The following SYTL2 variants were observed in gnomAD, a reference collection of about 807,000 sequenced individuals.
SYTL2 encodes the protein synaptotagmin-like protein 2.
SYTL2 carries 165 observed loss-of-function variants against 198.7 expected under a neutral mutation model. The ratio of observed to expected loss-of-function variants is 0.83; its 90% CI spans 0.73 to 0.94. The LOEUF is 0.94. Ranked by LOEUF, SYTL2 falls within the 40% of genes least tolerant of loss-of-function variation. The pLI is 0.00. For missense variants in SYTL2, 2,835 were observed against 2,582.8 expected (o/e 1.10, Z -2.12); for synonymous variants, 966 against 917.7 (o/e 1.05, Z -0.95).
At chr11:85,845,587 A>G in the SYTL2 span, among the ~76,000 whole-genome samples, 1 of 152,048 alleles carries the variant, frequency 6.6e-6, no homozygotes, top group Non-Finnish European at 1.5e-5. Flanking sequence ...ACACAGAGAG[A>G]CCTGGTCTCT....
At chr11:85,741,113 A>T (rs1311126206) in intron 4 of SYTL2, among the ~76,000 whole-genome samples, 1 of 151,968 alleles carries the variant, frequency 6.6e-6, no homozygotes, top group East Asian at 1.9e-4. Flanking sequence ...TATAGAACCA[A>T]ATTCTACAAG....
chr11:85,810,601 G>C (rs2093019359), intron 1 of SYTL2, among the ~76,000 whole-genome samples: 1 of 151,954 alleles, frequency 6.6e-6, no homozygotes, highest in Non-Finnish European at 1.5e-5. Context: ...AGCAATCTGG[G>C]GGCAGTTACT....
At position 85,727,022 on chromosome 11, in the gene SYTL2, A is replaced by C; in HGVS notation, c.2336T>G (p.Val779Gly). 1 of 1,536,180 alleles carries C rather than the reference A, an allele frequency of 6.5e-7. No homozygotes were observed. The highest frequency in any genetic ancestry group is 8.7e-7 in the Non-Finnish European group (1 of 1,146,906). The change falls in exon 8 of 20, where the codon GTT becomes GGT. Residue 779 changes from valine to glycine, a missense_variant. Physicochemically the swap from Val to Gly is moderately radical, Grantham distance 109. Coordinates refer to ENST00000359152, the MANE Select transcript of SYTL2 (RefSeq NM_206927.4). ...CTCTCTCTGCACTTGGTTCTTGGGA[A>C]CCTCACCAGCTTCTTGCTGGAATTG... is the stretch of plus-strand genomic sequence containing the variant. ...EVQFQQEAGE[V>G]PKNQVQREKY...
chr11:85,724,107 TTTC>T lies in SYTL2; in HGVS notation c.5248_5250del (p.Glu1750del). The stretch of plus-strand genomic sequence containing the variant: ...AAATCAGACTCAGAGAAACCTTCTT[TTTC>T]TTCCTCTTTCTCTTGTTTCATATAT... On this transcript the variant is annotated inframe_deletion, in exon 8 of 20. Coordinates refer to ENST00000359152, the MANE Select transcript of SYTL2 (RefSeq NM_206927.4). 2.5e-6 allele frequency: 4 copies of T among 1,584,302 alleles called. No individual in the cohort carries two copies. The highest frequency in any genetic ancestry group is 3.4e-6 in the Non-Finnish European group (4 of 1,171,778).
chr11:85,846,317 C>T, the SYTL2 span, among the ~76,000 whole-genome samples: 1 of 152,206 alleles, frequency 6.6e-6, no homozygotes, highest in African/African-American at 2.4e-5. Context: ...TACTCTCTTG[C>T]TTACAGTAGT....
chr11:85,791,326 G>C (rs1427170089), intron 1 of SYTL2, among the ~76,000 whole-genome samples: 1 of 151,994 alleles, frequency 6.6e-6, no homozygotes, highest in Non-Finnish European at 1.5e-5. Context: ...ACTCAGCTTT[G>C]CTGGGTACAG....
intron 1 of SYTL2, among the ~76,000 whole-genome samples, chr11:85,789,774 C>T (rs566987016): frequency 7.2e-5 from 11 of 151,948 alleles, no homozygotes; most frequent in African/African-American, 1.7e-4. Context: ...CAACAGATTC[C>T]GAACAAATGT....
chr11:85,841,992 T>C, the SYTL2 span, among the ~76,000 whole-genome samples: 2 of 152,224 alleles, frequency 1.3e-5, no homozygotes, highest in African/African-American at 4.8e-5. Context: ...TATTCATTTA[T>C]CCAAACATTC....
At chr11:85,830,917 G>A in the SYTL2 span, among the ~76,000 whole-genome samples, 1 of 152,160 alleles carries the variant, frequency 6.6e-6, no homozygotes, top group Non-Finnish European at 1.5e-5. Context: ...CTTGCATTAG[G>A]GTCAGCTTTG....
At chr11:85,853,941 C>T in the SYTL2 span, 2 of 152,136 alleles carry the variant, frequency 1.3e-5, no homozygotes, top group Non-Finnish European at 2.9e-5. Context: ...GCCTTCCAGG[C>T]TCAAGCAATT....
intron 5 of SYTL2, among the ~76,000 whole-genome samples, 180 bp downstream of exon 5, chr11:85,737,395 T>C (rs2090435363): frequency 6.6e-6 from 1 of 152,318 alleles, no homozygotes; most frequent in Non-Finnish European, 1.5e-5. Flanking sequence ...ATCCATCCAC[T>C]TTTTCCACCA....
the SYTL2 span, among the ~76,000 whole-genome samples, chr11:85,845,514 A>G: frequency 6.6e-6 from 1 of 152,170 alleles, no homozygotes; most frequent in Non-Finnish European, 1.5e-5. Flanking sequence ...TGTAATCCCA[A>G]CACTTTGGGA....
chr11:85,703,167 T>C (rs1423423031), intron 16 of SYTL2, among the ~76,000 whole-genome samples: 1 of 152,090 alleles, frequency 6.6e-6, no homozygotes, highest in Non-Finnish European at 1.5e-5. Flanking sequence ...AACATACTTG[T>C]AATTGGAGTT....
chr11:85,699,548 T>C (rs12099352), intron 17 of SYTL2, among the ~76,000 whole-genome samples: 5,992 of 151,508 alleles, frequency 0.04, 381 homozygotes, highest in African/African-American at 0.14. Context: ...TATGCTTTAC[T>C]TGCCCTCTAA....
chr11:85,736,757 A>G, intron 5 of SYTL2, 142 bp from the exon 6 acceptor site: 2 of 617,198 alleles, frequency 3.2e-6, no homozygotes. Flanking sequence ...AGTTGTCCTG[A>G]TTAATCTGCT....
the SYTL2 span, among the ~76,000 whole-genome samples, chr11:85,817,249 T>C: frequency 6.6e-6 from 1 of 152,206 alleles, no homozygotes; most frequent in Non-Finnish European, 1.5e-5. Context: ...CATGTAATCA[T>C]CTAAGCAGCT....
Position 85,709,349 on chromosome 11 carries a change from T to C in SYTL2, c.5897A>G (p.Lys1966Arg). The C allele has an allele frequency of 6.2e-7, 1 of 1,614,130 alleles. No homozygotes were observed. The highest frequency in any genetic ancestry group is 1.7e-5 in the Admixed American group (1 of 60,026). Reference sequence around the variant, plus strand: ...TACTTACGGGTCTGAACGCTGTTTTTTTACATCCGCTGCTGCTAAGTCCTT... The same window carrying C: ...TACTTACGGGTCTGAACGCTGTTTTCTTACATCCGCTGCTGCTAAGTCCTT... ...QCKDLAAADV[K>R]KQRSDPYVKA... Residue 1966 changes from lysine (K) to arginine (R), a missense_variant, in exon 14 of 20, where the codon AAA (lysine) becomes AGA (arginine). Lys to Arg is a conservative substitution (Grantham distance 26). Around this residue, in one of 3 missense-constraint regions of SYTL2, gnomAD observed 2,645 missense variants for 2,381.7 expected, o/e 1.11. Transcript: ENST00000359152.
At chr11:85,837,145 C>T in the SYTL2 span, among the ~76,000 whole-genome samples, 1 of 152,288 alleles carries the variant, frequency 6.6e-6, no homozygotes, top group African/African-American at 2.4e-5. Context: ...CATTATATCC[C>T]ACACTTATTT....
At chr11:85,837,340 ATCTC>A in the SYTL2 span, among the ~76,000 whole-genome samples, 4 of 152,218 alleles carry the variant, frequency 2.6e-5, no homozygotes, top group South Asian at 4.1e-4. Flanking sequence ...CCTAGCAGCG[ATCTC>A]TCTCTTTCTC....
Sources: gnomAD v4.1 joint callset for allele counts (sites outside exome capture counted in the v4.1 genomes callset) on GRCh38, gnomAD v4.1.1 for gene constraint, gnomAD v4.1.1 regional missense constraint, MANE v1.5 for transcripts, NCBI Gene and HGNC (gene_info 2026-07-23, HGNC 2026-07-21) for gene names.